Variants in F13B observed in about 807,000 individuals in gnomAD.
F13B encodes the protein coagulation factor XIII B chain.
F13B carries 58 observed loss-of-function variants against 79.8 expected under a neutral mutation model. The ratio of observed to expected loss-of-function variants is 0.73; its 90% CI spans 0.59 to 0.90. The LOEUF (loss-of-function observed/expected upper bound fraction) is 0.90. Among genes scored for constraint, F13B ranks in the 40% least tolerant of loss-of-function variants. The pLI is 0.00. For synonymous variants in F13B, 283 were observed against 260.3 expected (o/e 1.09, Z -0.84); for missense variants, 773 against 777.0 (o/e 0.99, Z 0.06).
rs749570468 is a variant in F13B, at chr1:197,052,852, C to G, written c.1355-18G>C. 2.7e-5 allele frequency: 43 copies of G among 1,571,356 alleles called. No homozygotes were observed. Among genetic ancestry groups the G allele is most frequent in the Non-Finnish European group, 3.7e-5 (42 of 1,145,268 alleles). On this transcript the variant is annotated intron_variant, in intron 8 of 11. Coordinates refer to ENST00000367412, the MANE Select transcript of F13B (RefSeq NM_001994.3). ...ACATGGTTCTGTAAAACAAAATGCT[C>G]TTTTAAATTCTTTACTTGTCTGACA...
chr1:197,057,223 A>G, intron 6 of F13B, 25 bp from the exon 7 acceptor site: 1 of 1,613,898 alleles, frequency 6.2e-7, no homozygotes, highest in Non-Finnish European at 8.5e-7. Context: ...TTGAAAGAGA[A>G]CTGACCATTT....
At chr1:197,048,268 G>A (rs549262377) in intron 10 of F13B, among the ~76,000 whole-genome samples, 2 of 151,734 alleles carry the variant, frequency 1.3e-5, no homozygotes, top group South Asian at 2.1e-4. Flanking sequence ...GGGTTGGTAG[G>A]TATAAACAGA....
Position 197,058,260 on chromosome 1 carries a change from T to TA in F13B, c.806-796dup, listed in dbSNP as rs200582527. Among the ~76,000 whole-genome samples, 717 of 152,344 alleles carry TA rather than the reference T, an allele frequency of 4.7e-3. 3 individuals carry two copies. The highest frequency in any genetic ancestry group is 6.8e-3 in the Middle Eastern group (2 of 294). ...ATGAAGTAAATAAATTAATAGCATG[T>TA]AGCAGATCTGTTCTTGAACCCACGT... is the stretch of plus-strand genomic sequence containing the variant. On this transcript the variant is annotated intron_variant, in intron 5 of 11. Transcript: ENST00000367412.
At position 197,057,438 on chromosome 1, in the gene F13B, G is replaced by T. The variant is rs1655687643; in HGVS notation, c.833C>A (p.Pro278His). The T allele has an allele frequency of 6.2e-7, 1 of 1,613,718 alleles. No individual in the cohort carries two copies. Among genetic ancestry groups the T allele is most frequent in the Non-Finnish European group, 8.5e-7 (1 of 1,179,862 alleles). Reference sequence around the variant, plus strand: ...TTGAATTTTGGAGTTTATGGGCAGAGGTGGAGGAGGACATCTGTTTCTTCT... The same window carrying T: ...TTGAATTTTGGAGTTTATGGGCAGATGTGGAGGAGGACATCTGTTTCTTCT... ...EGRRNRCPPP[P>H]LPINSKIQTH... Residue 278 changes from proline to histidine, a missense_variant, in exon 6 of 12, where the codon CCT becomes CAT. By Grantham distance (77) the Pro-to-His change is moderately conservative. Transcript: ENST00000367412.
chr1:197,053,130 TTAAC>T (rs1655511024), intron 8 of F13B, among the ~76,000 whole-genome samples: 1 of 152,082 alleles, frequency 6.6e-6, no homozygotes, highest in Non-Finnish European at 1.5e-5. Context: ...ATAAAAACCT[TTAAC>T]TACCATGTAG....
rs758904103 is a variant in F13B, at chr1:197,060,454, A to G, written c.717T>C (p.Phe239=). The change falls in exon 5 of 12, where the codon TTT becomes TTC. Residue 239 remains phenylalanine (F), a synonymous_variant. Transcript: ENST00000367412. ...QTYEEGDVVQ[F]FCHENYYLSG... ...TTAGATAATAATTTTCATGACAGAA[A>G]AACTGAACGACATCTCCTTCTTCAT... is the stretch of plus-strand genomic sequence containing the variant. 3 of 1,609,982 alleles carry G rather than the reference A, an allele frequency of 1.9e-6. No homozygotes were observed. The South Asian group carries it at 3.3e-5, about 18-fold the overall frequency.
chr1:197,045,019 G>A (rs944833309), intron 10 of F13B, among the ~76,000 whole-genome samples: 1 of 152,086 alleles, frequency 6.6e-6, no homozygotes, highest in Non-Finnish European at 1.5e-5. Flanking sequence ...GTGTGTAGTG[G>A]GAAATTTATA....
At chr1:197,043,802 G>C (rs1339821988) in intron 10 of F13B, among the ~76,000 whole-genome samples, 1 of 152,030 alleles carries the variant, frequency 6.6e-6, no homozygotes, top group African/African-American at 2.4e-5. Context: ...AGAGACAATG[G>C]CATAGCAAAA....
rs17549866 is a variant in F13B, at chr1:197,039,540, T to A, written c.1953-129A>T. The A allele has an allele frequency of 2.4e-3, 1,665 of 694,406 alleles. 21 individuals carry two copies. The African/African-American group carries it at 0.026, about 11-fold the overall frequency. The allele number at this position is 694,406 out of a possible 1,614,324, so 43.0% of individuals were successfully genotyped here. A position where few individuals can be genotyped will look rare whatever the true frequency, so the allele number is the denominator to read the frequency against. On this transcript the variant is annotated intron_variant, in intron 11 of 11. Transcript: ENST00000367412. ...ATTAAGTACTAATAAGAATAAATGA[T>A]CTTACTTAGTAAATAATACCACCAG... is the stretch of plus-strand genomic sequence containing the variant.
intron 2 of F13B, 37 bp downstream of exon 2, chr1:197,062,820 G>A: frequency 6.3e-7 from 1 of 1,597,704 alleles, no homozygotes; most frequent in Non-Finnish European, 8.6e-7. Context: ...ATTTCTTTGA[G>A]TATTGAAACA....
Position 197,063,459 on chromosome 1 carries a change from C to T in F13B, c.65-402G>A, listed in dbSNP as rs188785438. 2.5e-3 allele frequency among the ~76,000 whole-genome samples: 379 copies of T among 152,214 alleles called. 3 individuals are homozygous for T. The highest frequency in any genetic ancestry group is 0.021 in the Admixed American group (316 of 15,258). Reference sequence around the variant, plus strand: ...CCTCTCCTGTAGCTAGGACTGCAGGCACATGCCACCACATCTGGCTAATTT... The same window carrying T: ...CCTCTCCTGTAGCTAGGACTGCAGGTACATGCCACCACATCTGGCTAATTT... On this transcript the variant is annotated intron_variant, in intron 1 of 11. Transcript: ENST00000367412.
At chr1:197,062,517 A>G (rs1305603806) in intron 2 of F13B, among the ~76,000 whole-genome samples, 1 of 152,154 alleles carries the variant, frequency 6.6e-6, no homozygotes. Context: ...CAGAGTTTCA[A>G]GCATTTTTCT....
chr1:197,060,685 A>G (rs986256675), intron 4 of F13B, 143 bp from the exon 5 acceptor site: 18 of 731,184 alleles, frequency 2.5e-5, no homozygotes, highest in Middle Eastern at 3.8e-4. Flanking sequence ...TTTGTTAAAT[A>G]TCATTAGGCT....
chr1:197,063,965 G>T (rs577373987), intron 1 of F13B, among the ~76,000 whole-genome samples: 1 of 152,124 alleles, frequency 6.6e-6, no homozygotes, highest in African/African-American at 2.4e-5. Context: ...GAAATAAATA[G>T]CATTAAAAGA....
chr1:197,047,831 C>A (rs1027200359), intron 10 of F13B, among the ~76,000 whole-genome samples: 1 of 151,960 alleles, frequency 6.6e-6, no homozygotes, highest in East Asian at 1.9e-4. Context: ...TGAGTTCATG[C>A]CCTTTGCAGG....
In F13B at chr1:197,039,326, T is replaced by G. The variant is rs1654951359; in HGVS notation, c.*52A>C. 3.5e-6 allele frequency: 5 copies of G among 1,440,610 alleles called. No homozygotes were observed. The South Asian group carries it at 6.0e-5, about 17-fold the overall frequency. The allele number at this position is 1,440,610 out of a possible 1,614,324, so 89.2% of individuals were successfully genotyped here. A position where few individuals can be genotyped will look rare whatever the true frequency, so the allele number is the denominator to read the frequency against. On this transcript the variant is annotated 3_prime_UTR_variant, in exon 12 of 12. Transcript: ENST00000367412. The stretch of plus-strand genomic sequence containing the variant: ...CTTATTTCCTCAAAATTATATTTTA[T>G]AAGGAATTTCATGATGTATTGAAAT...
chr1:197,060,631 T>G, intron 4 of F13B, 89 bp from the exon 5 acceptor site: 4 of 960,618 alleles, frequency 4.2e-6, no homozygotes, highest in Non-Finnish European at 6.2e-6. Context: ...ATAACTAGAA[T>G]AGAAATTAAA....
At chr1:197,048,398 A>G (rs953572073) in intron 10 of F13B, among the ~76,000 whole-genome samples, 7 of 152,164 alleles carry the variant, frequency 4.6e-5, no homozygotes, top group Non-Finnish European at 1.0e-4. Flanking sequence ...AGGCACACTA[A>G]AAGTAAAAAC....
chr1:197,060,593 C>T (rs778911756), intron 4 of F13B, 51 bp from the exon 5 acceptor site: 2 of 1,345,562 alleles, frequency 1.5e-6, no homozygotes, highest in South Asian at 1.3e-5. Context: ...ATTTTTTCTG[C>T]TACAACAAAA....
Sources: allele counts gnomAD v4.1 joint callset (sites outside exome capture counted in the v4.1 genomes callset), GRCh38; gene constraint gnomAD v4.1.1; transcripts MANE v1.5; gene names NCBI Gene and HGNC (gene_info 2026-07-23, HGNC 2026-07-21).